Variants in COL11A1 observed in about 807,000 individuals in gnomAD.
COL11A1 encodes collagen alpha-1(XI) chain.
A neutral mutation model predicts 265.2 loss-of-function variants in COL11A1; 74 were observed. The observed-to-expected ratio is 0.28, with a 90% CI of 0.23 to 0.34. The LOEUF is 0.34. Among genes scored for constraint, COL11A1 ranks in the 10% least tolerant of loss-of-function variants. The probability of loss-of-function intolerance (pLI) is 1.00; values close to 1 mark genes in which losing one functional copy is unlikely to be tolerated. For synonymous variants in COL11A1, 816 were observed against 727.6 expected, an observed-to-expected ratio of 1.12 and a Z score of -1.96; for missense variants, 2,165 against 2,263.6, an observed-to-expected ratio of 0.96 and a Z score of 0.88.
rs531612638 is a variant in COL11A1, at chr1:103,097,874, A to G, written c.106+10199T>C. On this transcript the variant is annotated intron_variant, in intron 1 of 66. Coordinates refer to ENST00000370096, the MANE Select transcript of COL11A1 (RefSeq NM_001854.4). The stretch of plus-strand genomic sequence containing the variant: ...GCACTTAACACAGTGATTAACATAG[A>G]AGATAGTCATTTAACTTTTACAGTT... Among the ~76,000 whole-genome samples, 24 of 152,124 alleles carry G rather than the reference A, an allele frequency of 1.6e-4. No homozygotes were observed. The South Asian group carries it at 4.6e-3, about 29-fold the overall frequency.
At chr1:102,970,507 A>G (rs936975998) in intron 36 of COL11A1, among the ~76,000 whole-genome samples, 5 of 152,224 alleles carry the variant, frequency 3.3e-5, no homozygotes, top group Admixed American at 1.3e-4. Flanking sequence ...TTTTACATTT[A>G]AATATATTTC....
intron 4 of COL11A1, among the ~76,000 whole-genome samples, chr1:103,046,665 C>G (rs1390443412): frequency 2.6e-5 from 4 of 151,336 alleles, no homozygotes; most frequent in African/African-American, 9.7e-5. Flanking sequence ...GTGTTTTAGA[C>G]ATGAAGTCCT....
chr1:103,059,035 GA>G (rs112177248), intron 4 of COL11A1, among the ~76,000 whole-genome samples: 22,127 of 151,978 alleles, frequency 0.15, 1,743 homozygotes, highest in Middle Eastern at 0.16. Flanking sequence ...CATGCTGCTG[GA>G]AAAAAATGAT....
At chr1:102,925,704 A>G (rs765045079) in intron 46 of COL11A1, among the ~76,000 whole-genome samples, 4 of 152,074 alleles carry the variant, frequency 2.6e-5, no homozygotes, top group Non-Finnish European at 4.4e-5. Context: ...GTTCTAAATC[A>G]GTCAATTTCA....
In COL11A1 at chr1:102,996,187, T is replaced by C; in HGVS notation, c.2242-145A>G. 5.2e-6 allele frequency: 4 copies of C among 771,482 alleles called. No homozygotes were observed. The South Asian group carries it at 7.1e-5, about 14-fold the overall frequency. 47.8% of individuals were successfully genotyped at this position (771,482 alleles called of 1,614,324 possible). On this transcript the variant is annotated intron_variant, in intron 26 of 66. Transcript: ENST00000370096. The stretch of plus-strand genomic sequence containing the variant: ...TAAAGACTTTTTGGTAGTTTACTCT[T>C]TATTTCTAGAAACAGATATGATGAG...
chr1:102,941,706 G>A (rs1658741114), intron 42 of COL11A1, among the ~76,000 whole-genome samples: 1 of 152,092 alleles, frequency 6.6e-6, no homozygotes, highest in Non-Finnish European at 1.5e-5. Context: ...CCTTGTCCAA[G>A]GAAAGTCCCC....
chr1:102,912,390 G>C (rs773299709), intron 53 of COL11A1, among the ~76,000 whole-genome samples, 178 bp from the exon 54 acceptor site: 27 of 152,062 alleles, frequency 1.8e-4, no homozygotes, highest in Non-Finnish European at 3.5e-4. Flanking sequence ...TATAGTTAGA[G>C]CTGGTAAATT....
chr1:102,931,096 G>A (rs545926850), intron 46 of COL11A1, among the ~76,000 whole-genome samples: 2,150 of 138,536 alleles, frequency 0.016, 59 homozygotes, highest in African/African-American at 0.054. Flanking sequence ...ATTTCCTTCA[G>A]TTCTGCTCTG....
chr1:103,096,592 T>C (rs1673785057), intron 1 of COL11A1, among the ~76,000 whole-genome samples: 1 of 151,938 alleles, frequency 6.6e-6, no homozygotes, highest in Admixed American at 6.6e-5. Context: ...TAAAGCAGGA[T>C]AGAAATAAAA....
rs755406698 is a variant in COL11A1, at chr1:102,934,521, C to G, written c.3528G>C (p.Gln1176His). ...GDGEPGPRGQ[Q>H]GMFGQKGDEG... is the part of the protein sequence containing the mutation. ...CATCACCTTTTTGCCCAAACATCCC[C>G]TGCTGTCCTCTAGGACCTGGTTCAC... Residue 1176 changes from glutamine to histidine, a missense_variant, in exon 46 of 67, where the codon CAG becomes CAC. Physicochemically the swap from Gln to His is conservative, Grantham distance 24. Transcript: ENST00000370096. 5 of 1,614,148 alleles carry G rather than the reference C, an allele frequency of 3.1e-6. No individual in the cohort carries two copies. Among genetic ancestry groups the G allele is most frequent in the Non-Finnish European group, 4.2e-6 (5 of 1,180,020 alleles).
chr1:103,051,269 C>T (rs148326736), intron 4 of COL11A1, among the ~76,000 whole-genome samples: 9,262 of 152,290 alleles, frequency 0.061, 307 homozygotes, highest in Non-Finnish European at 0.077. Context: ...GCTTCCTGGC[C>T]GCTTTGTTTA....
At chr1:103,002,002 T>C (rs374918306) in intron 23 of COL11A1, 33 bp from the exon 24 acceptor site, 3 of 1,567,796 alleles carry the variant, frequency 1.9e-6, no homozygotes, top group Non-Finnish European at 2.6e-6. Context: ...ATATATCAGA[T>C]ATCAAATCAC....
rs1264885468 is a variant in COL11A1 at position 103,078,640 on chromosome 1, T to C, written c.488+18A>G. ...TGATTTTGGCATAGCTAAAACATTG[T>C]ATTATTTTGTTACTTACTTCCCGTC... On this transcript the variant is annotated intron_variant, in intron 3 of 66. Transcript: ENST00000370096. 1.9e-6 allele frequency: 3 copies of C among 1,601,728 alleles called. No homozygotes were observed. The highest frequency in any genetic ancestry group is 1.3e-5 in the African/African-American group (1 of 74,658).
At chr1:102,979,277 A>G (rs981527061) in intron 32 of COL11A1, 105 bp downstream of exon 32, 7 of 1,225,930 alleles carry the variant, frequency 5.7e-6, no homozygotes, top group East Asian at 2.4e-5. Context: ...GATTCAAGCA[A>G]TCCTCCACCT....
chr1:102,924,331 A>C (rs1656335104), intron 46 of COL11A1, among the ~76,000 whole-genome samples: 1 of 152,204 alleles, frequency 6.6e-6, no homozygotes. Flanking sequence ...GAAAGATTGC[A>C]CTCAAATTTC....
At chr1:102,884,425 C>T (rs1650679849) in intron 63 of COL11A1, 1 of 152,184 alleles carries the variant, frequency 6.6e-6, no homozygotes, top group Admixed American at 6.6e-5. Context: ...CAATTGGTTG[C>T]AGCTGGTGCC....
At chr1:102,934,906 C>T (rs995240551) in intron 45 of COL11A1, among the ~76,000 whole-genome samples, 154 bp downstream of exon 45, 5 of 152,292 alleles carry the variant, frequency 3.3e-5, no homozygotes, top group African/African-American at 1.2e-4. Flanking sequence ...AGAATCAGCA[C>T]GGCTAGCTAT....
In COL11A1 at chr1:103,002,425, T is replaced by C. The variant is rs770210430; in HGVS notation, c.2097+3A>G. On this transcript the variant is annotated splice_donor_region_variant and intron_variant, in intron 23 of 66. Transcript: ENST00000370096. ...CAAAGGAGCTGCAGTGGCTTAGACTTACCTGAGGTCCTGGATTCCCTTGTT... is the reference window on the plus strand; with the variant it reads ...CAAAGGAGCTGCAGTGGCTTAGACTCACCTGAGGTCCTGGATTCCCTTGTT... 18 of 1,607,124 alleles carry C rather than the reference T, an allele frequency of 1.1e-5. No homozygotes were observed. Among genetic ancestry groups the C allele is most frequent in the African/African-American group, 1.1e-4 (8 of 74,826 alleles).
chr1:103,029,415 AATAG>A (rs57920619), intron 5 of COL11A1, among the ~76,000 whole-genome samples: 13,802 of 151,966 alleles, frequency 0.091, 758 homozygotes, highest in Non-Finnish European at 0.11. Context: ...ATGACATATT[AATAG>A]ATATAGTTTA....
Sources: allele counts gnomAD v4.1 joint callset (sites outside exome capture counted in the v4.1 genomes callset), GRCh38; gene constraint gnomAD v4.1.1; transcripts MANE v1.5; gene names NCBI Gene and HGNC (gene_info 2026-07-23, HGNC 2026-07-21).